Variants in FRRS1 observed in about 807,000 individuals in gnomAD.
FRRS1 encodes the protein ferric reductase 1.
Under a neutral mutation model 70.7 loss-of-function variants are expected in FRRS1, and 51 were observed. The observed-to-expected ratio is 0.72, with a 90% CI of 0.58 to 0.91. The LOEUF is 0.91. Among genes scored for constraint, FRRS1 ranks in the 40% least tolerant of loss-of-function variants. The pLI is 0.00. For missense variants in FRRS1, 672 were observed against 726.0 expected (o/e 0.93, Z 0.86); for synonymous variants, 225 against 238.7 (o/e 0.94, Z 0.53).
intron 9 of FRRS1, among the ~76,000 whole-genome samples, chr1:99,721,363 C>T (rs568358160): frequency 1.2e-4 from 17 of 143,288 alleles, no homozygotes; most frequent in African/African-American, 4.4e-4. Context: ...CTCTAGACTG[C>T]GAGATAGAGC....
At chr1:99,756,731 A>G (rs2788507) in intron 1 of FRRS1, among the ~76,000 whole-genome samples, 75,139 of 152,036 alleles carry the variant, frequency 0.49, 22,583 homozygotes, top group African/African-American at 0.85. Flanking sequence ...AAGAAAAAAG[A>G]AGGAAAACAA....
At chr1:99,729,519 G>A in intron 8 of FRRS1, 131 bp downstream of exon 8, 1 of 560,944 alleles carries the variant, frequency 1.8e-6, no homozygotes, top group Non-Finnish European at 3.2e-6. Flanking sequence ...GAGCCCTGCT[G>A]GCAGGCCCCT....
chr1:99,742,737 T>C lies in FRRS1; in HGVS notation c.334-464A>G, dbSNP rs149993286. 7.2e-5 allele frequency among the ~76,000 whole-genome samples: 11 copies of C among 152,366 alleles called. No homozygotes were observed. The East Asian group carries it at 1.9e-3, about 27-fold the overall frequency. On this transcript the variant is annotated intron_variant, in intron 4 of 16. Transcript: ENST00000646001. Reference sequence around the variant, plus strand: ...CACCTGGCCAACTCCTACTCATTCTTTGAGGCCTTACTTGAAGTTCACCTC... The same window carrying C: ...CACCTGGCCAACTCCTACTCATTCTCTGAGGCCTTACTTGAAGTTCACCTC...
chr1:99,743,880 T>C (rs1571139821), intron 4 of FRRS1, among the ~76,000 whole-genome samples: 1 of 152,112 alleles, frequency 6.6e-6, no homozygotes, highest in East Asian at 1.9e-4. Flanking sequence ...ACTGTAAACC[T>C]TGAATAACAC....
intron 14 of FRRS1, 73 bp from the exon 15 acceptor site, chr1:99,711,022 G>A (rs1262108270): frequency 8.0e-7 from 1 of 1,244,296 alleles, no homozygotes; most frequent in African/African-American, 1.5e-5. Flanking sequence ...TTGTGTATGT[G>A]TATTATCAAG....
At chr1:99,731,005 C>G (rs778616911) in intron 7 of FRRS1, among the ~76,000 whole-genome samples, 5 of 152,140 alleles carry the variant, frequency 3.3e-5, no homozygotes, top group Non-Finnish European at 5.9e-5. Flanking sequence ...CACTGCACAC[C>G]AGCCTGGGCA....
chr1:99,734,511 C>A (rs933855106), intron 7 of FRRS1, among the ~76,000 whole-genome samples: 1 of 150,866 alleles, frequency 6.6e-6, no homozygotes, highest in African/African-American at 2.5e-5. Context: ...TGGGTGTTCA[C>A]TGTACTATCT....
At chr1:99,718,169 A>G (rs1223308066) in intron 10 of FRRS1, among the ~76,000 whole-genome samples, 1 of 152,198 alleles carries the variant, frequency 6.6e-6, no homozygotes, top group African/African-American at 2.4e-5. Flanking sequence ...CCAAATAAGG[A>G]AAGTTTCCCC....
intron 9 of FRRS1, among the ~76,000 whole-genome samples, chr1:99,726,863 C>T (rs544969399): frequency 6.6e-6 from 1 of 152,308 alleles, no homozygotes; most frequent in African/African-American, 2.4e-5. Flanking sequence ...CACACTACCA[C>T]ACCCAGCTAA....
chr1:99,720,946 A>G (rs1439682772), intron 9 of FRRS1, among the ~76,000 whole-genome samples: 2 of 152,058 alleles, frequency 1.3e-5, no homozygotes, highest in African/African-American at 2.4e-5. Context: ...CCAGAAAAAA[A>G]AGATCGATTA....
intron 7 of FRRS1, among the ~76,000 whole-genome samples, chr1:99,735,118 C>A (rs540191818): frequency 5.3e-5 from 8 of 152,178 alleles, no homozygotes; most frequent in Non-Finnish European, 8.8e-5. Context: ...AAACAACATA[C>A]AACATGGCCA....
At chr1:99,738,709 C>T (rs1655802004) in intron 6 of FRRS1, among the ~76,000 whole-genome samples, 1 of 152,076 alleles carries the variant, frequency 6.6e-6, no homozygotes, top group Admixed American at 6.6e-5. Context: ...ATTTAAAAAG[C>T]AAACAAATAA....
chr1:99,736,961 T>C (rs1571128918), intron 7 of FRRS1, among the ~76,000 whole-genome samples: 1 of 152,130 alleles, frequency 6.6e-6, no homozygotes, highest in Non-Finnish European at 1.5e-5. Flanking sequence ...ATGTCAGAGT[T>C]CCTTTTCTTT....
rs927428254 is a variant in FRRS1, at chr1:99,742,360, C to T, written c.334-87G>A. ...TCTATCATTTTGCGAAGTAATTTATCATTGCATGACATTAGCATTCTGGTG... is the reference window on the plus strand; with the variant it reads ...TCTATCATTTTGCGAAGTAATTTATTATTGCATGACATTAGCATTCTGGTG... On this transcript the variant is annotated intron_variant, in intron 4 of 16. Coordinates refer to ENST00000646001, the MANE Select transcript of FRRS1 (RefSeq NM_001361041.2). The T allele has an allele frequency of 1.2e-5, 9 of 770,950 alleles. No individual in the cohort carries two copies. The Admixed American group carries it at 1.3e-4, about 11-fold the overall frequency. 47.8% of individuals were successfully genotyped at this position (770,950 alleles called of 1,614,324 possible).
intron 12 of FRRS1, among the ~76,000 whole-genome samples, chr1:99,715,283 T>C (rs915853335): frequency 2.0e-5 from 3 of 152,244 alleles, no homozygotes; most frequent in African/African-American, 7.2e-5. Context: ...ATTGTTCATG[T>C]TCCTTAGATA....
chr1:99,731,863 G>A (rs888925638), intron 7 of FRRS1, among the ~76,000 whole-genome samples: 3 of 151,970 alleles, frequency 2.0e-5, no homozygotes, highest in African/African-American at 7.3e-5. Context: ...ATGGATTCTC[G>A]CCCTGTTGCC....
chr1:99,729,500 T>C (rs757192009), intron 8 of FRRS1, 150 bp downstream of exon 8: 1 of 538,628 alleles, frequency 1.9e-6, no homozygotes, highest in Non-Finnish European at 3.4e-6. Context: ...TCAGAAATCA[T>C]TATGAGAGGA....
At chr1:99,719,703 A>G (rs1289143211) in intron 9 of FRRS1, 56 bp from the exon 10 acceptor site, 3 of 979,536 alleles carry the variant, frequency 3.1e-6, no homozygotes, top group Non-Finnish European at 4.9e-6. Context: ...CCTCAAATAA[A>G]AAAGGAATTG....
intron 1 of FRRS1, among the ~76,000 whole-genome samples, chr1:99,763,884 A>T (rs958889340): frequency 6.7e-6 from 1 of 148,858 alleles, no homozygotes; most frequent in South Asian, 2.1e-4. Context: ...AAAAAAAAAA[A>T]GAATGAAAAG....
Sources: gnomAD v4.1 joint callset for allele counts (sites outside exome capture counted in the v4.1 genomes callset) on GRCh38, gnomAD v4.1.1 for gene constraint, MANE v1.5 for transcripts, NCBI Gene and HGNC (gene_info 2026-07-23, HGNC 2026-07-21) for gene names.